MRPS31: variants seen among roughly 807,000 people sequenced by gnomAD.
MRPS31 encodes small ribosomal subunit protein mS31.
MRPS31 carries 32 observed loss-of-function variants against 43.1 expected under a neutral mutation model. That is an observed-to-expected ratio of 0.74 (90% CI 0.56 to 1.00). MRPS31 has a LOEUF of 1.00. Among genes scored for constraint, MRPS31 ranks in the 50% least tolerant of loss-of-function variants. The pLI is 0.00. For synonymous variants in MRPS31, 165 were observed against 161.6 expected, an observed-to-expected ratio of 1.02 and a Z score of -0.16; for missense variants, 437 against 466.7, an observed-to-expected ratio of 0.94 and a Z score of 0.59.
chr13:40,758,856 T>C lies in MRPS31; in HGVS notation c.599+92A>G, dbSNP rs1363516153. The C allele has an allele frequency of 3.1e-5, 36 of 1,144,790 alleles. No individual in the cohort carries two copies. The Admixed American group carries it at 6.7e-4, about 21-fold the overall frequency. 70.9% of individuals were successfully genotyped at this position (1,144,790 alleles called of 1,614,324 possible). On this transcript the variant is annotated intron_variant, in intron 3 of 6. Transcript: ENST00000323563. ...ATTTTATATACAAATTCCACTTACG[T>C]GGTATATATTATGTGTATTACTCAC...
chr13:40,742,079 G>A (rs561223605), intron 6 of MRPS31, among the ~76,000 whole-genome samples: 3 of 152,184 alleles, frequency 2.0e-5, no homozygotes, highest in African/African-American at 7.2e-5. Context: ...AGAGAACTGA[G>A]GGGTAAAGTA....
chr13:40,750,742 TTATA>T (rs66521234), intron 5 of MRPS31, among the ~76,000 whole-genome samples: 28,420 of 130,564 alleles, frequency 0.22, 3,117 homozygotes, highest in Admixed American at 0.29. Flanking sequence ...GTATCCCATT[TTATA>T]TATATATATA....
chr13:40,738,407 A>T (rs1038498212), intron 6 of MRPS31, among the ~76,000 whole-genome samples: 21 of 152,112 alleles, frequency 1.4e-4, no homozygotes, highest in African/African-American at 4.8e-4. Context: ...CAATCAATAG[A>T]AAAAGAGGGA....
At chr13:40,756,732 A>G (rs1191913376) in intron 4 of MRPS31, 141 bp downstream of exon 4, 11 of 967,192 alleles carry the variant, frequency 1.1e-5, no homozygotes, top group Non-Finnish European at 1.4e-5. Flanking sequence ...GTATACAGAG[A>G]GTAAGAACAC....
At position 40,737,184 on chromosome 13, in the gene MRPS31, A is replaced by G. The variant is rs552789723; in HGVS notation, c.959-7583T>C. Among the ~76,000 whole-genome samples, 6 of 151,610 alleles carry G rather than the reference A, an allele frequency of 4.0e-5. No homozygotes were observed. In the South Asian group the frequency reaches 1.0e-3, roughly 26 times the overall value. On this transcript the variant is annotated intron_variant, in intron 6 of 6. Coordinates refer to ENST00000323563, the MANE Select transcript of MRPS31 (RefSeq NM_005830.4). The stretch of plus-strand genomic sequence containing the variant: ...CCAACAAAGATCAAAAGAGACAAAG[A>G]AGGCCATTACATAATGGTAAAGGGA...
intron 1 of MRPS31, among the ~76,000 whole-genome samples, chr13:40,770,132 T>C (rs1277130686): frequency 6.6e-6 from 1 of 152,202 alleles, no homozygotes; most frequent in Non-Finnish European, 1.5e-5. Flanking sequence ...ATTTTTGCTA[T>C]CTCTGACTAC....
intron 5 of MRPS31, among the ~76,000 whole-genome samples, chr13:40,749,779 A>C (rs1444497974): frequency 6.6e-6 from 1 of 152,196 alleles, no homozygotes; most frequent in African/African-American, 2.4e-5. Context: ...TAATCCTCAC[A>C]ACAAACCCTA....
chr13:40,768,300 C>G (rs1478819827), intron 1 of MRPS31, among the ~76,000 whole-genome samples: 1 of 152,082 alleles, frequency 6.6e-6, no homozygotes, highest in African/African-American at 2.4e-5. Context: ...TTTCATGGTC[C>G]CTGCCTTTAT....
chr13:40,753,960 G>A (rs1880460781), intron 5 of MRPS31, 59 bp downstream of exon 5: 1 of 1,055,310 alleles, frequency 9.5e-7, no homozygotes, highest in African/African-American at 1.6e-5. Flanking sequence ...GAACACTAAG[G>A]ACATCCTGGA....
At chr13:40,747,485 G>A (rs530546556) in intron 6 of MRPS31, among the ~76,000 whole-genome samples, 29 of 152,202 alleles carry the variant, frequency 1.9e-4, no homozygotes, top group African/African-American at 6.3e-4. Context: ...GTCTTTTTAC[G>A]TTACCCTGAT....
intron 6 of MRPS31, among the ~76,000 whole-genome samples, chr13:40,738,137 C>T (rs957004358): frequency 2.6e-5 from 4 of 152,060 alleles, no homozygotes; most frequent in Admixed American, 1.3e-4. Flanking sequence ...ATACAAACTA[C>T]CATCAGAGAA....
rs780984480 is a variant in MRPS31 at position 40,734,600 on chromosome 13, AC to A, written c.959-5000del. On this transcript the variant is annotated intron_variant, in intron 6 of 6. Coordinates refer to ENST00000323563, the MANE Select transcript of MRPS31 (RefSeq NM_005830.4). The stretch of plus-strand genomic sequence containing the variant: ...AGAATATATAGTAATTTTTTGTCTT[AC>A]CATTAAACAGTTTTCCAGGCTGGGA... Among the ~76,000 whole-genome samples the A allele has an allele frequency of 3.3e-5, 5 of 152,290 alleles. No individual in the cohort carries two copies. In the East Asian group the frequency reaches 9.6e-4, roughly 29 times the overall value.
intron 6 of MRPS31, among the ~76,000 whole-genome samples, chr13:40,733,028 G>A (rs1193763356): frequency 7.2e-6 from 1 of 138,294 alleles, no homozygotes; most frequent in Non-Finnish European, 1.5e-5. Context: ...TTTTGAGAGG[G>A]AGTTTCACTC....
In MRPS31 at chr13:40,766,856, T is replaced by A. The variant is rs199933450; in HGVS notation, c.330A>T (p.Leu110Phe). 130 of 1,614,176 alleles carry A rather than the reference T, an allele frequency of 8.1e-5. No homozygotes were observed. Among genetic ancestry groups the A allele is most frequent in the Admixed American group, 1.7e-4 (10 of 60,024 alleles). Reference sequence around the variant, plus strand: ...TTGTTGTTCGTACATTTACTGTGCTTAATTCAACTTTCATGCCCTTAATAA... The same window carrying A: ...TTGTTGTTCGTACATTTACTGTGCTAAATTCAACTTTCATGCCCTTAATAA... ...LGIIKGMKVELSTVNVRTTKP... is the reference protein window; with the variant it reads ...LGIIKGMKVEFSTVNVRTTKP... Residue 110 changes from leucine (L) to phenylalanine (F), a missense_variant, in exon 2 of 7, where the codon TTA (leucine) becomes TTT (phenylalanine). Coordinates refer to ENST00000323563, the MANE Select transcript of MRPS31 (RefSeq NM_005830.4).
At chr13:40,755,213 C>A (rs1181480141) in intron 4 of MRPS31, among the ~76,000 whole-genome samples, 2 of 152,150 alleles carry the variant, frequency 1.3e-5, no homozygotes, top group Admixed American at 1.3e-4. Flanking sequence ...CTAACAGGTT[C>A]CAAGTTATTT....
rs1249614377 is a variant in MRPS31 at position 40,771,043 on chromosome 13, T to G, written c.94A>C (p.Met32Leu). 4.3e-6 allele frequency: 7 copies of G among 1,613,864 alleles called. No homozygotes were observed. In the African/African-American group the frequency reaches 6.7e-5, roughly 15 times the overall value. The change falls in exon 1 of 7, where the codon ATG becomes CTG. Residue 32 changes from methionine (M) to leucine (L), a missense_variant. Transcript: ENST00000323563. ...GSPETSAAAIMLLTVRHGTVR... is the reference protein window; with the variant it reads ...GSPETSAAAILLLTVRHGTVR... ...GTTCCGTGCCGAACAGTGAGTAGCA[T>G]AATCGCAGCCGCTGATGTCTCCGGG...
At position 40,758,811 on chromosome 13, in the gene MRPS31, T is replaced by C. The variant is rs530090615; in HGVS notation, c.599+137A>G. 3.0e-5 allele frequency: 24 copies of C among 800,236 alleles called. No individual in the cohort carries two copies. The African/African-American group carries it at 3.2e-4, about 11-fold the overall frequency. The allele number at this position is 800,236 out of a possible 1,614,324, so 49.6% of individuals were successfully genotyped here. A position where few individuals can be genotyped will look rare whatever the true frequency, so the allele number is the denominator to read the frequency against. On this transcript the variant is annotated intron_variant, in intron 3 of 6. Coordinates refer to ENST00000323563, the MANE Select transcript of MRPS31 (RefSeq NM_005830.4). ...GACATAAGTTTTTTAAAAAGTTGAATTGCTAAAATTATGTGGTATATTTTA... is the reference window on the plus strand; with the variant it reads ...GACATAAGTTTTTTAAAAAGTTGAACTGCTAAAATTATGTGGTATATTTTA...
Position 40,756,873 on chromosome 13 carries a change from CT to C in MRPS31, c.739del (p.Arg247GlyfsTer15). 1.2e-6 allele frequency: 2 copies of C among 1,612,400 alleles called. No individual in the cohort carries two copies. The highest frequency in any genetic ancestry group is 1.1e-5 in the South Asian group (1 of 90,596). On this transcript the variant is annotated frameshift_variant and splice_region_variant, in exon 4 of 7. Coordinates refer to ENST00000323563, the MANE Select transcript of MRPS31 (RefSeq NM_005830.4). LOFTEE classifies it high-confidence loss of function. ...GQEKTDDLKKRKNIFTGKRLN... is the reference protein window; with the variant it reads ...GQEKTDDLKKXKNIFTGKRLN... ...CCCAGCAGATTACAAAGCCTGATACCTTTTTTTAAGATCATCCGTCTTCTCC... is the reference window on the plus strand; with the variant it reads ...CCCAGCAGATTACAAAGCCTGATACCTTTTTTAAGATCATCCGTCTTCTCC...
At chr13:40,745,807 T>G (rs1296678337) in intron 6 of MRPS31, among the ~76,000 whole-genome samples, 7 of 151,948 alleles carry the variant, frequency 4.6e-5, no homozygotes, top group Non-Finnish European at 7.4e-5. Flanking sequence ...ACTCTGTTAC[T>G]GGGTAGGCAT....
Sources: gnomAD v4.1 joint callset for allele counts (sites outside exome capture counted in the v4.1 genomes callset) on GRCh38, gnomAD v4.1.1 for gene constraint, MANE v1.5 for transcripts, NCBI Gene and HGNC (gene_info 2026-07-23, HGNC 2026-07-21) for gene names.